The following CDH23 variants were observed in gnomAD, a reference collection of about 807,000 sequenced individuals.
CDH23 encodes cadherin related 23, also known as cadherin-23.
Under a neutral mutation model 317.1 loss-of-function variants are expected in CDH23, and 189 were observed. That is an observed-to-expected ratio of 0.60 (90% CI 0.53 to 0.67). The LOEUF (loss-of-function observed/expected upper bound fraction) is 0.67. CDH23 is among the 30% of genes least tolerant of loss of function. The probability of loss-of-function intolerance (pLI) is 0.00; values close to 1 mark genes in which losing one functional copy is unlikely to be tolerated. For missense variants in CDH23, 4,401 were observed against 4,592.4 expected (o/e 0.96, Z 1.20); for synonymous variants, 1,839 against 1,876.8 (o/e 0.98, Z 0.52).
intron 6 of CDH23, among the ~76,000 whole-genome samples, chr10:71,566,251 G>A (rs1238115852): frequency 6.6e-6 from 1 of 152,118 alleles, no homozygotes; most frequent in Non-Finnish European, 1.5e-5. Context: ...ACAAACCCAG[G>A]AAGAACCCTC....
In CDH23 at chr10:71,705,822, C is replaced by T. The variant is rs113042378; in HGVS notation, c.2953+692C>T. On this transcript the variant is annotated intron_variant, in intron 25 of 69. Transcript: ENST00000224721. ...TTTAGCAGGCAAGACATGGCCTGTT[C>T]CCTGAGCCTGTTCAATCCCATCCTA... is the stretch of plus-strand genomic sequence containing the variant. Among the ~76,000 whole-genome samples the T allele has an allele frequency of 1.7e-3, 258 of 152,268 alleles. 1 individual carries two copies. Among genetic ancestry groups the T allele is most frequent in the African/African-American group, 5.9e-3 (246 of 41,544 alleles).
intron 28 of CDH23, chr10:71,715,611 C>T: frequency 4.1e-6 from 1 of 243,428 alleles, no homozygotes; most frequent in Non-Finnish European, 7.9e-6. Flanking sequence ...AGCGAGGGTG[C>T]TGCTTCTAGG....
intron 13 of CDH23, 136 bp downstream of exon 13, chr10:71,646,116 G>A (rs998695785): frequency 2.5e-6 from 3 of 1,196,788 alleles, no homozygotes; most frequent in Admixed American, 5.3e-5. Flanking sequence ...ACTCAGATAA[G>A]CCCTCCAAGA....
chr10:71,657,415 T>A (rs1863463902), intron 14 of CDH23, among the ~76,000 whole-genome samples: 1 of 152,182 alleles, frequency 6.6e-6, no homozygotes, highest in African/African-American at 2.4e-5. Context: ...ACCTCCAGGG[T>A]TCTCCATGGT....
intron 14 of CDH23, among the ~76,000 whole-genome samples, chr10:71,670,913 G>A (rs1864115152): frequency 6.6e-6 from 1 of 151,902 alleles, no homozygotes; most frequent in Admixed American, 6.6e-5. Flanking sequence ...CCAGAGGGAG[G>A]AGCCTGGAGC....
intron 6 of CDH23, among the ~76,000 whole-genome samples, chr10:71,562,147 A>AGCCCC (rs1857165564): frequency 6.7e-6 from 1 of 150,128 alleles, no homozygotes; most frequent in Non-Finnish European, 1.5e-5. Context: ...AGACGCCCCG[A>AGCCCC]ACCCCACCCC....
intron 9 of CDH23, among the ~76,000 whole-genome samples, chr10:71,611,440 C>T (rs1195207398): frequency 1.3e-5 from 2 of 152,212 alleles, no homozygotes; most frequent in Non-Finnish European, 2.9e-5. Context: ...GCTGGGAAAA[C>T]AGCTGTAGGC....
intron 38 of CDH23, among the ~76,000 whole-genome samples, chr10:71,755,739 G>C (rs1354065449): frequency 6.6e-6 from 1 of 152,184 alleles, no homozygotes. Context: ...AGAGGGAACA[G>C]AGTCCTCATC....
rs1044322634 is a variant in CDH23 at position 71,630,414 on chromosome 10, G to A, written c.1134+13021G>A. ...GGGGCCTTTCCTAGGAGTGACTGCC[G>A]TCATTCAGATGGGGCCTGTGGAGGG... is the stretch of plus-strand genomic sequence containing the variant. On this transcript the variant is annotated intron_variant, in intron 11 of 69. Transcript: ENST00000224721. Among the ~76,000 whole-genome samples, 8 of 152,122 alleles carry A rather than the reference G, an allele frequency of 5.3e-5. No individual in the cohort carries two copies. The South Asian group carries it at 6.2e-4, about 12-fold the overall frequency.
intron 38 of CDH23, among the ~76,000 whole-genome samples, chr10:71,756,424 T>C (rs1449258612): frequency 6.6e-6 from 1 of 152,216 alleles, no homozygotes; most frequent in Non-Finnish European, 1.5e-5. Context: ...GTAGACATGT[T>C]GTTTCCATTT....
intron 3 of CDH23, among the ~76,000 whole-genome samples, chr10:71,498,906 A>C (rs1474875310): frequency 6.6e-6 from 1 of 152,214 alleles, no homozygotes; most frequent in East Asian, 1.9e-4. Flanking sequence ...TTTTTAAAAA[A>C]TGTGTGTGTG....
chr10:71,405,349 A>G (rs1018416854), intron 1 of CDH23, among the ~76,000 whole-genome samples: 7 of 151,958 alleles, frequency 4.6e-5, no homozygotes, highest in African/African-American at 1.7e-4. Context: ...ACCAGTGGCA[A>G]TGGAACTCTG....
intron 11 of CDH23, among the ~76,000 whole-genome samples, chr10:71,636,080 T>C (rs964381070): frequency 1.3e-5 from 2 of 152,080 alleles, no homozygotes; most frequent in African/African-American, 4.8e-5. Context: ...ACCAGCATTC[T>C]GTCTCCAGCA....
intron 3 of CDH23, among the ~76,000 whole-genome samples, chr10:71,493,422 C>T (rs1852775491): frequency 6.6e-6 from 1 of 152,148 alleles, no homozygotes; most frequent in African/African-American, 2.4e-5. Flanking sequence ...CTTGTTTTTC[C>T]TTAACTCATT....
intron 9 of CDH23, among the ~76,000 whole-genome samples, chr10:71,591,563 C>G (rs183271882): frequency 2.6e-5 from 4 of 152,244 alleles, no homozygotes. Flanking sequence ...ACTGGTTCTC[C>G]ATGTGTGATA....
intron 25 of CDH23, among the ~76,000 whole-genome samples, chr10:71,705,362 A>G (rs1354017906): frequency 6.6e-6 from 1 of 152,108 alleles, no homozygotes; most frequent in Non-Finnish European, 1.5e-5. Context: ...AGTGGCCTGG[A>G]CCTGCTGCCA....
intron 6 of CDH23, among the ~76,000 whole-genome samples, chr10:71,517,460 C>T (rs138120701): frequency 1.3e-5 from 2 of 152,340 alleles, no homozygotes; most frequent in Non-Finnish European, 2.9e-5. Context: ...TTAGCACCCA[C>T]CGCAGCCAGC....
chr10:71,547,848 T>A (rs1856369239), intron 6 of CDH23, among the ~76,000 whole-genome samples: 1 of 152,186 alleles, frequency 6.6e-6, no homozygotes, highest in Admixed American at 6.5e-5. Context: ...AAGTGGACGG[T>A]GGCTTGTTTG....
intron 15 of CDH23, 66 bp from the exon 16 acceptor site, chr10:71,677,390 G>A (rs554674871): frequency 9.3e-5 from 121 of 1,300,562 alleles, no homozygotes; most frequent in African/African-American, 1.6e-4. Context: ...GGGAAATGCC[G>A]GCCCCATCAA....
Sources: gnomAD v4.1 joint callset for allele counts (sites outside exome capture counted in the v4.1 genomes callset) on GRCh38, gnomAD v4.1.1 for gene constraint, MANE v1.5 for transcripts, NCBI Gene and HGNC (gene_info 2026-07-23, HGNC 2026-07-21) for gene names.